The following ASTN2 variants were observed in gnomAD, a reference collection of about 807,000 sequenced individuals.
ASTN2 encodes the protein astrotactin-2.
Under a neutral mutation model 139.8 loss-of-function variants are expected in ASTN2, and 54 were observed. That is an observed-to-expected ratio of 0.39 (90% CI 0.31 to 0.48). ASTN2 has a LOEUF of 0.48. Among genes scored for constraint, ASTN2 ranks in the 20% least tolerant of loss-of-function variants. The pLI is 0.95. For synonymous variants in ASTN2, 756 were observed against 719.5 expected (o/e 1.05, Z -0.81); for missense variants, 1,565 against 1,725.1 (o/e 0.91, Z 1.64).
At chr9:117,224,684 G>A (rs1042982017) in intron 2 of ASTN2, among the ~76,000 whole-genome samples, 5 of 152,212 alleles carry the variant, frequency 3.3e-5, no homozygotes, top group Admixed American at 6.5e-5. Flanking sequence ...AGGTGTAAAT[G>A]CATACATTAA....
chr9:117,213,366 T>G (rs1396927641), intron 3 of ASTN2, among the ~76,000 whole-genome samples: 5 of 152,108 alleles, frequency 3.3e-5, no homozygotes, highest in Non-Finnish European at 5.9e-5. Flanking sequence ...GCTAGATAGG[T>G]GTAATAATTT....
chr9:117,226,493 T>C (rs746231791), intron 2 of ASTN2, among the ~76,000 whole-genome samples: 1 of 152,110 alleles, frequency 6.6e-6, no homozygotes, highest in East Asian at 1.9e-4. Flanking sequence ...AGGAAAAACA[T>C]ATTGAGAAAG....
intron 4 of ASTN2, among the ~76,000 whole-genome samples, chr9:117,127,832 C>T (rs1415377538): frequency 6.6e-6 from 1 of 151,834 alleles, no homozygotes; most frequent in African/African-American, 2.4e-5. Context: ...ACGTGCCCGC[C>T]ACCACGCCCA....
At chr9:117,143,114 G>T (rs755597333) in intron 3 of ASTN2, among the ~76,000 whole-genome samples, 1 of 152,232 alleles carries the variant, frequency 6.6e-6, no homozygotes, top group Non-Finnish European at 1.5e-5. Context: ...ATTGGGTTCT[G>T]TGAGAAGTCC....
chr9:116,442,490 C>T lies in ASTN2; in HGVS notation c.3561G>A (p.Arg1187=), dbSNP rs147439161. The part of the protein sequence containing the change: ...RHSELSTVTL[R]TACPLVDDNK... ...TGTCATCTACCAGTGGACAGGCCGT[C>T]CTCAGGGTCACCGTGCTTAGCTCTG... is the stretch of plus-strand genomic sequence containing the variant. Residue 1187 remains arginine (R), a synonymous_variant, in exon 21 of 23, where the codon AGG becomes AGA. Coordinates refer to ENST00000313400, the MANE Select transcript of ASTN2 (RefSeq NM_001365068.1). 2.8e-5 allele frequency: 46 copies of T among 1,614,116 alleles called. No individual in the cohort carries two copies. Among genetic ancestry groups the T allele is most frequent in the Non-Finnish European group, 3.8e-5 (45 of 1,180,018 alleles).
chr9:116,802,758 T>G (rs572349059), intron 13 of ASTN2, among the ~76,000 whole-genome samples: 1 of 152,226 alleles, frequency 6.6e-6, no homozygotes, highest in Admixed American at 6.5e-5. Context: ...AGCAGTAGAA[T>G]TATGCTTCTC....
intron 6 of ASTN2, among the ~76,000 whole-genome samples, chr9:117,010,492 T>C (rs1037483635): frequency 5.3e-5 from 8 of 152,156 alleles, no homozygotes; most frequent in Non-Finnish European, 1.2e-4. Flanking sequence ...ATAAAGAGAA[T>C]AGAATCAGCA....
intron 4 of ASTN2, among the ~76,000 whole-genome samples, chr9:117,120,018 G>GTGTATATATA (rs1306397698): frequency 1.8e-3 from 84 of 45,986 alleles, no homozygotes; most frequent in East Asian, 3.5e-3. Flanking sequence ...GTGTGTGTGT[G>GTGTATATATA]TATATATATA....
chr9:116,884,541 T>C (rs1246459748), intron 10 of ASTN2, among the ~76,000 whole-genome samples: 1 of 152,086 alleles, frequency 6.6e-6, no homozygotes, highest in Non-Finnish European at 1.5e-5. Context: ...GCCCATGGTA[T>C]TCCTCTTTGA....
rs547917124 is a variant in ASTN2, at chr9:117,121,034, T to A, written c.1168+20292A>T. Among the ~76,000 whole-genome samples the A allele has an allele frequency of 3.9e-5, 6 of 152,342 alleles. No homozygotes were observed. In the South Asian group the frequency reaches 1.2e-3, roughly 32 times the overall value. ...GGGGTACACAGTATGTGTCCATTAA[T>A]ATGGAAAATAAGTTTTTTCTTTTCC... On this transcript the variant is annotated intron_variant, in intron 4 of 22. Coordinates refer to ENST00000313400, the MANE Select transcript of ASTN2 (RefSeq NM_001365068.1).
intron 13 of ASTN2, among the ~76,000 whole-genome samples, chr9:116,789,528 C>T (rs1830475353): frequency 6.6e-6 from 1 of 152,156 alleles, no homozygotes; most frequent in African/African-American, 2.4e-5. Context: ...TACATAAAAC[C>T]CCAGCCACTG....
chr9:117,026,242 T>G (rs1005745014), intron 6 of ASTN2, among the ~76,000 whole-genome samples: 4 of 152,168 alleles, frequency 2.6e-5, no homozygotes, highest in Non-Finnish European at 4.4e-5. Context: ...GCCAGGCCCT[T>G]GAAATGAACA....
rs926070079 is a variant in ASTN2 at position 117,210,569 on chromosome 9, C to T, written c.1015+3789G>A. Among the ~76,000 whole-genome samples, 3 of 152,042 alleles carry T rather than the reference C, an allele frequency of 2.0e-5. No homozygotes were observed. In the South Asian group the frequency reaches 6.2e-4, roughly 32 times the overall value. On this transcript the variant is annotated intron_variant, in intron 3 of 22. Coordinates refer to ENST00000313400, the MANE Select transcript of ASTN2 (RefSeq NM_001365068.1). Reference sequence around the variant, plus strand: ...TGAGACTGAGTCAATAATAAAAAGCCTTCCAACAAAGAAAAGTACAGGACC... The same window carrying T: ...TGAGACTGAGTCAATAATAAAAAGCTTTCCAACAAAGAAAAGTACAGGACC...
intron 10 of ASTN2, among the ~76,000 whole-genome samples, chr9:116,866,392 G>T (rs1337995805): frequency 6.6e-6 from 1 of 152,196 alleles, no homozygotes. Context: ...GGAGAAGGGT[G>T]AGGTGCTACA....
At chr9:117,082,432 A>G (rs910685499) in intron 5 of ASTN2, among the ~76,000 whole-genome samples, 1 of 152,056 alleles carries the variant, frequency 6.6e-6, no homozygotes, top group East Asian at 1.9e-4. Context: ...ATTCTACCCC[A>G]ATAACCTCCT....
At chr9:116,503,787 G>A (rs111515273) in intron 19 of ASTN2, among the ~76,000 whole-genome samples, 139 of 152,226 alleles carry the variant, frequency 9.1e-4, no homozygotes, top group African/African-American at 3.2e-3. Flanking sequence ...GCTCATTAGG[G>A]CTTACAAAGC....
chr9:117,227,007 A>T (rs1019454801), intron 2 of ASTN2, among the ~76,000 whole-genome samples: 3 of 152,186 alleles, frequency 2.0e-5, no homozygotes, highest in Admixed American at 6.5e-5. Context: ...CCTGGTCAAC[A>T]CTAATACATG....
Position 116,805,692 on chromosome 9 carries a change from T to G in ASTN2, c.2336A>C (p.His779Pro). 1 of 1,613,984 alleles carries G rather than the reference T, an allele frequency of 6.2e-7. No homozygotes were observed. The highest frequency in any genetic ancestry group is 8.5e-7 in the Non-Finnish European group (1 of 1,179,866). Residue 779 changes from histidine to proline, a missense_variant, in exon 13 of 23, where the codon CAT (histidine) becomes CCT (proline). By Grantham distance (77) the His-to-Pro change is moderately conservative. Around this residue, in one of 4 missense-constraint regions of ASTN2, gnomAD observed 503 missense variants for 591.7 expected, o/e 0.85. Coordinates refer to ENST00000313400, the MANE Select transcript of ASTN2 (RefSeq NM_001365068.1). ...FNDTLFGEML[H>P]GYNNRTQHVN... ...ATGCTGGGTCCGGTTGTTGTAACCATGTAGCATCTCTCCAAAGAGGGTATC... is the reference window on the plus strand; with the variant it reads ...ATGCTGGGTCCGGTTGTTGTAACCAGGTAGCATCTCTCCAAAGAGGGTATC...
At chr9:116,597,299 A>ATTTTTG (rs1554718677) in intron 19 of ASTN2, among the ~76,000 whole-genome samples, 2 of 75,532 alleles carry the variant, frequency 2.6e-5, no homozygotes, top group African/African-American at 4.9e-5. Context: ...CTTTTGATCT[A>ATTTTTG]TTTTTTTTTT....
Sources: gnomAD v4.1 joint callset for allele counts (sites outside exome capture counted in the v4.1 genomes callset) on GRCh38, gnomAD v4.1.1 for gene constraint, gnomAD v4.1.1 regional missense constraint, MANE v1.5 for transcripts, NCBI Gene and HGNC (gene_info 2026-07-23, HGNC 2026-07-21) for gene names.